KCNG2: variants seen among roughly 807,000 people sequenced by gnomAD.
KCNG2 encodes potassium voltage-gated channel modifier subfamily G member 2.
Under a neutral mutation model 12.3 loss-of-function variants are expected in KCNG2, and 7 were observed. The ratio of observed to expected loss-of-function variants is 0.57; its 90% confidence interval spans 0.32 to 1.07. The LOEUF (loss-of-function observed/expected upper bound fraction) is 1.07. KCNG2 is among the 50% of genes least tolerant of loss of function. The pLI, the probability that KCNG2 is intolerant of heterozygous loss-of-function variation, is 0.04. For synonymous variants in KCNG2, 414 were observed against 351.4 expected, an observed-to-expected ratio of 1.18 and a Z score of -1.99; for missense variants, 703 against 726.0, an observed-to-expected ratio of 0.97 and a Z score of 0.36.
intron 1 of KCNG2, among the ~76,000 whole-genome samples, chr18:79,804,480 G>A (rs2122987862): frequency 6.6e-6 from 1 of 152,314 alleles, no homozygotes; most frequent in East Asian, 1.9e-4. Flanking sequence ...CTGTGGCTGT[G>A]GGGGGCCCTC....
chr18:79,885,546 C>A (rs1327621122), intron 3 of KCNG2, among the ~76,000 whole-genome samples: 1 of 152,236 alleles, frequency 6.6e-6, no homozygotes, highest in African/African-American at 2.4e-5. Context: ...AGAACACACA[C>A]TCAGCCCGGG....
chr18:79,828,448 T>TGTA (rs1200539697), intron 1 of KCNG2, among the ~76,000 whole-genome samples: 1 of 150,458 alleles, frequency 6.6e-6, no homozygotes, highest in Non-Finnish European at 1.5e-5. Context: ...AAGTGTGTGG[T>TGTA]GTGTGTGCAA....
At chr18:79,893,954 TCACTC>T (rs1055704900) in intron 3 of KCNG2, among the ~76,000 whole-genome samples, 12 of 151,844 alleles carry the variant, frequency 7.9e-5, no homozygotes, top group African/African-American at 2.9e-4. Context: ...ATTGGGTTCT[TCACTC>T]CATTCACATC....
At chr18:79,812,731 C>T (rs936158562) in intron 1 of KCNG2, among the ~76,000 whole-genome samples, 2 of 151,938 alleles carry the variant, frequency 1.3e-5, no homozygotes, top group East Asian at 3.9e-4. Flanking sequence ...CGTGGTGGTG[C>T]GCACCTGTAC....
chr18:79,887,778 C>T (rs1980583463), intron 3 of KCNG2, among the ~76,000 whole-genome samples: 5 of 152,122 alleles, frequency 3.3e-5, no homozygotes, highest in South Asian at 2.1e-4. Context: ...GATCGGGGCT[C>T]GGGGGGTGGC....
intron 3 of KCNG2, among the ~76,000 whole-genome samples, chr18:79,877,424 T>C (rs891488): frequency 0.71 from 108,297 of 152,012 alleles, 40,748 homozygotes; most frequent in South Asian, 0.87. Context: ...AGCCAAGGGA[T>C]GCAGAAGGCT....
chr18:79,835,441 T>A (rs1032791793), intron 1 of KCNG2, among the ~76,000 whole-genome samples: 1 of 152,176 alleles, frequency 6.6e-6, no homozygotes, highest in Non-Finnish European at 1.5e-5. Context: ...ACAAACATGC[T>A]TGAAACAGAT....
intron 2 of KCNG2, among the ~76,000 whole-genome samples, chr18:79,862,178 T>C (rs1979245156): frequency 6.6e-6 from 1 of 152,252 alleles, no homozygotes; most frequent in African/African-American, 2.4e-5. Flanking sequence ...TTGTATTCTT[T>C]GTATGCCTTG....
chr18:79,890,671 C>T (rs1160716818), intron 3 of KCNG2, among the ~76,000 whole-genome samples: 1 of 152,140 alleles, frequency 6.6e-6, no homozygotes, highest in African/African-American at 2.4e-5. Context: ...CTCCTTTGAC[C>T]CTTTGGCTGG....
intron 1 of KCNG2, among the ~76,000 whole-genome samples, chr18:79,807,708 A>C (rs190670128): frequency 1.7e-3 from 266 of 152,358 alleles, no homozygotes; most frequent in Non-Finnish European, 3.0e-3. Flanking sequence ...CCGCACTCTG[A>C]GAAGTTGCTC....
At chr18:79,810,112 A>T (rs1344780094) in intron 1 of KCNG2, among the ~76,000 whole-genome samples, 1 of 152,222 alleles carries the variant, frequency 6.6e-6, no homozygotes, top group Non-Finnish European at 1.5e-5. Flanking sequence ...GTCAGCACCC[A>T]GCTGGGCTTC....
chr18:79,819,067 CA>C (rs1165058903), intron 1 of KCNG2, among the ~76,000 whole-genome samples: 1 of 152,148 alleles, frequency 6.6e-6, no homozygotes, highest in Non-Finnish European at 1.5e-5. Context: ...ATGAAAAAAA[CA>C]AAAATAAGGG....
intron 3 of KCNG2, among the ~76,000 whole-genome samples, chr18:79,874,416 A>T (rs965502827): frequency 1.3e-5 from 2 of 152,102 alleles, no homozygotes; most frequent in African/African-American, 2.4e-5. Context: ...CCGAGGGGGG[A>T]GCCACTCCCC....
At chr18:79,856,766 G>C (rs970905231) in intron 2 of KCNG2, among the ~76,000 whole-genome samples, 4 of 152,078 alleles carry the variant, frequency 2.6e-5, no homozygotes, top group Admixed American at 6.5e-5. Flanking sequence ...TGGGACAGCT[G>C]CTGCTTATTC....
chr18:79,879,402 T>C (rs1980205352), intron 3 of KCNG2, among the ~76,000 whole-genome samples: 1 of 152,120 alleles, frequency 6.6e-6, no homozygotes, highest in Non-Finnish European at 1.5e-5. Context: ...GACATGGGGC[T>C]TGGGGAAACA....
intron 1 of KCNG2, among the ~76,000 whole-genome samples, chr18:79,838,645 A>C (rs1199960868): frequency 1.3e-5 from 2 of 152,148 alleles, no homozygotes; most frequent in African/African-American, 4.8e-5. Context: ...TCCTGGGCTC[A>C]AGTGATCCTC....
rs1053506407 is a variant in KCNG2 at position 79,849,377 on chromosome 18, C to G, written c.-114-7002C>G. ...GCGCTGAGCTTCTGGGGGGCACAGG[C>G]GCCCCTCTTGGCTCAGAAGGTGGGG... On this transcript the variant is annotated intron_variant, in intron 1 of 3. Coordinates refer to ENST00000316249, the MANE Select transcript of KCNG2 (RefSeq NM_012283.2). Among the ~76,000 whole-genome samples the G allele has an allele frequency of 2.0e-5, 3 of 152,244 alleles. No homozygotes were observed. The East Asian group carries it at 5.8e-4, about 29-fold the overall frequency.
chr18:79,859,815 T>C (rs1419118958), intron 2 of KCNG2, among the ~76,000 whole-genome samples: 5 of 152,222 alleles, frequency 3.3e-5, no homozygotes, highest in Admixed American at 3.3e-4. Context: ...TCAATTCTGC[T>C]CCATTGATTT....
chr18:79,799,786 T>G (rs558326271), intron 1 of KCNG2, among the ~76,000 whole-genome samples: 2 of 152,292 alleles, frequency 1.3e-5, no homozygotes, highest in East Asian at 3.9e-4. Context: ...GCCCTGCTTG[T>G]GCCAGGCGCA....
Sources: allele counts gnomAD v4.1 joint callset (sites outside exome capture counted in the v4.1 genomes callset), GRCh38; gene constraint gnomAD v4.1.1; transcripts MANE v1.5; gene names NCBI Gene and HGNC (gene_info 2026-07-23, HGNC 2026-07-21).